The following PDE4B variants were observed in gnomAD, a reference collection of about 807,000 sequenced individuals.
PDE4B encodes the protein phosphodiesterase 4B.
Under a neutral mutation model 82.2 loss-of-function variants are expected in PDE4B, and 20 were observed. That is an observed-to-expected ratio of 0.24 (90% CI 0.17 to 0.35). The LOEUF is 0.35. Among genes scored for constraint, PDE4B ranks in the 10% least tolerant of loss-of-function variants. The pLI is 1.00. For synonymous variants in PDE4B, 320 were observed against 318.9 expected (o/e 1.00, Z -0.04); for missense variants, 655 against 907.2 (o/e 0.72, Z 3.57).
chr1:66,263,411 A>G (rs1031329109), intron 6 of PDE4B, among the ~76,000 whole-genome samples: 6 of 152,264 alleles, frequency 3.9e-5, no homozygotes, highest in Non-Finnish European at 5.9e-5. Context: ...AGCAAGTGGC[A>G]TATAGAACCA....
In PDE4B at chr1:65,919,666, G is replaced by A. The variant is rs1053623596; in HGVS notation, c.281+831G>A. On this transcript the variant is annotated intron_variant, in intron 3 of 16. Transcript: ENST00000341517. ...TTTTTGTTTACATAATTTATCAAGT[G>A]AAAGACTAAGCATTAAATTATTGTA... Among the ~76,000 whole-genome samples, 3 of 152,154 alleles carry A rather than the reference G, an allele frequency of 2.0e-5. 1 individual carries two copies. The highest frequency in any genetic ancestry group is 4.1e-4 in the South Asian group (2 of 4,826).
intron 1 of PDE4B, among the ~76,000 whole-genome samples, chr1:65,805,944 C>A (rs1308032011): frequency 1.3e-5 from 2 of 152,110 alleles, no homozygotes; most frequent in Non-Finnish European, 2.9e-5. Flanking sequence ...GGGTGCAGGT[C>A]ATTTCTAATT....
Position 66,015,921 on chromosome 1 carries a change from A to G in PDE4B, c.281+97086A>G, listed in dbSNP as rs1161593520. ...GTATTTATTTATTCACTTTTCAAAA[A>G]CTGCTAATAATTTTCTATATTCTAG... On this transcript the variant is annotated intron_variant, in intron 3 of 16. Transcript: ENST00000341517. Among the ~76,000 whole-genome samples the G allele has an allele frequency of 2.0e-5, 3 of 152,170 alleles. No homozygotes were observed. The East Asian group carries it at 5.8e-4, about 29-fold the overall frequency.
At chr1:66,144,872 A>G (rs1646239686) in intron 3 of PDE4B, among the ~76,000 whole-genome samples, 1 of 152,212 alleles carries the variant, frequency 6.6e-6, no homozygotes, top group South Asian at 2.1e-4. Flanking sequence ...TGGGAGACAC[A>G]TACATACCAC....
chr1:66,001,319 T>C (rs1651850504), intron 3 of PDE4B, among the ~76,000 whole-genome samples: 1 of 152,212 alleles, frequency 6.6e-6, no homozygotes, highest in African/African-American at 2.4e-5. Context: ...TGTCTCTTTC[T>C]GTGTATAAAA....
chr1:65,815,924 G>A (rs61797037), intron 1 of PDE4B, among the ~76,000 whole-genome samples: 383 of 152,128 alleles, frequency 2.5e-3, no homozygotes, highest in Non-Finnish European at 3.7e-3. Context: ...ACCTTGTTCC[G>A]TTTCCTCATT....
intron 3 of PDE4B, among the ~76,000 whole-genome samples, chr1:66,116,533 G>A (rs1211628833): frequency 6.6e-6 from 1 of 152,032 alleles, no homozygotes; most frequent in Non-Finnish European, 1.5e-5. Context: ...TGGACTGAGG[G>A]TGTCAACATC....
intron 1 of PDE4B, among the ~76,000 whole-genome samples, chr1:65,808,770 T>G (rs1645785256): frequency 6.6e-6 from 1 of 152,204 alleles, no homozygotes; most frequent in African/African-American, 2.4e-5. Context: ...ACAAAAGGTT[T>G]CTATGTGTAT....
At chr1:66,311,245 C>T (rs1455175591) in intron 7 of PDE4B, among the ~76,000 whole-genome samples, 2 of 152,190 alleles carry the variant, frequency 1.3e-5, no homozygotes, top group East Asian at 3.8e-4. Flanking sequence ...TACTCAATGT[C>T]TGTGAAACAC....
intron 3 of PDE4B, among the ~76,000 whole-genome samples, chr1:66,012,412 A>T (rs1426262639): frequency 6.6e-6 from 1 of 152,146 alleles, no homozygotes; most frequent in Non-Finnish European, 1.5e-5. Context: ...GATAGAGCAG[A>T]TACTTTTAAA....
intron 3 of PDE4B, among the ~76,000 whole-genome samples, chr1:66,025,609 T>A (rs563625962): frequency 6.6e-6 from 1 of 152,352 alleles, no homozygotes; most frequent in Admixed American, 6.5e-5. Context: ...AGCTTGAGAC[T>A]GAACTCATAA....
At chr1:65,978,918 C>A (rs1650548195) in intron 3 of PDE4B, among the ~76,000 whole-genome samples, 1 of 152,110 alleles carries the variant, frequency 6.6e-6, no homozygotes, top group African/African-American at 2.4e-5. Context: ...ATTATTACTG[C>A]TTTATTTATC....
intron 7 of PDE4B, among the ~76,000 whole-genome samples, chr1:66,294,725 G>GA (rs969118973): frequency 6.6e-6 from 1 of 150,978 alleles, no homozygotes; most frequent in Non-Finnish European, 1.5e-5. Flanking sequence ...CAAAAGAGGA[G>GA]AAAAAAACAC....
intron 3 of PDE4B, among the ~76,000 whole-genome samples, chr1:66,135,492 G>A (rs1359757442): frequency 1.3e-5 from 2 of 152,194 alleles, no homozygotes; most frequent in African/African-American, 4.8e-5. Flanking sequence ...GGCAATGCTT[G>A]GAGATTGACT....
intron 3 of PDE4B, among the ~76,000 whole-genome samples, chr1:66,068,458 A>T (rs914604723): frequency 2.0e-5 from 3 of 151,968 alleles, no homozygotes; most frequent in Admixed American, 2.0e-4. Context: ...AAATGCAGTG[A>T]ACCCCTACCC....
intron 3 of PDE4B, among the ~76,000 whole-genome samples, chr1:66,042,330 A>G (rs1654433240): frequency 1.3e-5 from 2 of 151,858 alleles, no homozygotes; most frequent in Admixed American, 1.3e-4. Context: ...ATATTTCAAC[A>G]TTGATGGATG....
intron 3 of PDE4B, chr1:66,062,853 T>G (rs1006808594): frequency 6.6e-6 from 1 of 152,228 alleles, no homozygotes. Context: ...GTTGACCATT[T>G]TAATACAATT....
chr1:65,893,940 G>A (rs1257372379), intron 1 of PDE4B, among the ~76,000 whole-genome samples: 2 of 152,044 alleles, frequency 1.3e-5, no homozygotes, highest in Non-Finnish European at 2.9e-5. Flanking sequence ...TGGGAGCTAA[G>A]CTATGAGGAC....
chr1:66,325,391 A>G (rs1261228184), intron 7 of PDE4B, among the ~76,000 whole-genome samples: 1 of 152,192 alleles, frequency 6.6e-6, no homozygotes, highest in Non-Finnish European at 1.5e-5. Flanking sequence ...GGACAATACC[A>G]CTCCTGAAGT....
Sources: allele counts gnomAD v4.1 joint callset (sites outside exome capture counted in the v4.1 genomes callset), GRCh38; gene constraint gnomAD v4.1.1; transcripts MANE v1.5; gene names NCBI Gene and HGNC (gene_info 2026-07-23, HGNC 2026-07-21).